SPTA1: variants seen among roughly 807,000 people sequenced by gnomAD.
The protein encoded by SPTA1 is spectrin alpha chain, erythrocytic 1.
A neutral mutation model predicts 324.7 loss-of-function variants in SPTA1; 177 were observed. The observed-to-expected ratio is 0.55, with a 90% CI of 0.48 to 0.62. The LOEUF is 0.62. SPTA1 is among the 20% of genes least tolerant of loss of function. The pLI is 0.00. For missense variants in SPTA1, 3,162 were observed against 2,883.6 expected (o/e 1.10, Z -2.21); for synonymous variants, 1,195 against 1,041.3 (o/e 1.15, Z -2.84).
chr1:158,613,826 T>C lies in SPTA1; in HGVS notation c.6884A>G (p.Glu2295Gly), dbSNP rs536304835. 6.2e-7 allele frequency: 1 copy of C among 1,613,918 alleles called. No homozygotes were observed. The highest frequency in any genetic ancestry group is 8.5e-7 in the Non-Finnish European group (1 of 1,179,928). ...GAGTCCTCTCAGGCAGGACCGGAAC[T>C]CTTTGTGAGTCAGGCGCCCTGTCAA... ...ENLTGRLTHK[E>G]FRSCLRGLNY... Residue 2295 changes from glutamate (E) to glycine (G), a missense_variant, in exon 50 of 52, where the codon GAG (glutamate) becomes GGG (glycine). Coordinates refer to ENST00000643759, the MANE Select transcript of SPTA1 (RefSeq NM_003126.4).
chr1:158,620,778 C>A, intron 43 of SPTA1: 11 of 189,328 alleles, frequency 5.8e-5, no homozygotes, highest in East Asian at 2.7e-4. Context: ...AGGTAGTTTT[C>A]AATTATATGA....
intron 7 of SPTA1, 53 bp from the exon 8 acceptor site, chr1:158,676,348 T>C: frequency 5.6e-6 from 9 of 1,600,172 alleles, no homozygotes; most frequent in Non-Finnish European, 7.7e-6. Flanking sequence ...TGACTCCCCC[T>C]GGCAAAGCTT....
At chr1:158,667,076 G>A (rs1053134645) in intron 15 of SPTA1, among the ~76,000 whole-genome samples, 1 of 152,068 alleles carries the variant, frequency 6.6e-6, no homozygotes, top group African/African-American at 2.4e-5. Context: ...AGGAATTGCT[G>A]TGTCTCCTGA....
intron 25 of SPTA1, among the ~76,000 whole-genome samples, chr1:158,649,642 C>T (rs1206653006): frequency 6.6e-6 from 1 of 152,190 alleles, no homozygotes; most frequent in South Asian, 2.1e-4. Flanking sequence ...TGTTCCAAGG[C>T]CCAAGCCTAG....
chr1:158,631,439 C>G (rs1204021663), intron 39 of SPTA1, among the ~76,000 whole-genome samples: 5 of 151,916 alleles, frequency 3.3e-5, no homozygotes, highest in Non-Finnish European at 7.4e-5. Flanking sequence ...ATACAATGGA[C>G]TTAGAGGACT....
At chr1:158,615,654 AC>A (rs1460294784) in intron 47 of SPTA1, among the ~76,000 whole-genome samples, 1 of 151,980 alleles carries the variant, frequency 6.6e-6, no homozygotes, top group Non-Finnish European at 1.5e-5. Flanking sequence ...GTAGTTATAC[AC>A]ACACACACAT....
Position 158,645,520 on chromosome 1 carries a change from A to T in SPTA1, c.3971T>A (p.Ile1324Lys). The change falls in exon 28 of 52, where the codon ATA becomes AAA. Residue 1324 changes from isoleucine (I) to lysine (K), a missense_variant. Physicochemically the swap from Ile to Lys is moderately radical, Grantham distance 102. Coordinates refer to ENST00000643759, the MANE Select transcript of SPTA1 (RefSeq NM_003126.4). ...SQELAEDLTG[I>K]EILLERHQEH... ...CTGATGTCTCTCCAGCAAGATCTCT[A>T]TGCCAGTTAAGTCTTCGGCCAGCTC... 1.2e-6 allele frequency: 2 copies of T among 1,614,006 alleles called. No individual in the cohort carries two copies. Among genetic ancestry groups the T allele is most frequent in the Non-Finnish European group, 1.7e-6 (2 of 1,179,948 alleles).
chr1:158,680,128 C>T (rs1184690089), intron 5 of SPTA1, among the ~76,000 whole-genome samples: 2 of 152,158 alleles, frequency 1.3e-5, no homozygotes, highest in African/African-American at 4.8e-5. Context: ...CCTTTCCTTC[C>T]TCAATCCTCC....
intron 42 of SPTA1, among the ~76,000 whole-genome samples, chr1:158,625,626 C>T (rs982321610): frequency 8.9e-4 from 134 of 150,968 alleles, no homozygotes; most frequent in African/African-American, 3.1e-3. Context: ...TAATACACTA[C>T]CAAATAATAA....
intron 27 of SPTA1, 132 bp from the exon 28 acceptor site, chr1:158,645,726 C>G (rs1009993511): frequency 1.1e-6 from 1 of 935,840 alleles, no homozygotes; most frequent in African/African-American, 1.6e-5. Flanking sequence ...ATATGCTTTA[C>G]AGATCTTACG....
In SPTA1 at chr1:158,682,424, T is replaced by C. The variant is rs1190905707; in HGVS notation, c.391-757A>G. Among the ~76,000 whole-genome samples the C allele has an allele frequency of 3.9e-5, 6 of 152,182 alleles. No homozygotes were observed. The East Asian group carries it at 7.7e-4, about 20-fold the overall frequency. ...TCTCAAATATTGTAATTAATGTAGA[T>C]GCTGGTTACATGCAAAACTGTGCAT... On this transcript the variant is annotated intron_variant, in intron 3 of 51. Transcript: ENST00000643759.
In SPTA1 at chr1:158,686,223, GA is replaced by G. The variant is rs763958272; in HGVS notation, c.24+270del. On this transcript the variant is annotated intron_variant, in intron 1 of 51. Coordinates refer to ENST00000643759, the MANE Select transcript of SPTA1 (RefSeq NM_003126.4). The stretch of plus-strand genomic sequence containing the variant: ...GGCTATAGAATTAGATCATTACATG[GA>G]GACTCACGTTGTTACTAGGTGTTAT... 5.3e-5 allele frequency among the ~76,000 whole-genome samples: 8 copies of G among 152,316 alleles called. No homozygotes were observed. The South Asian group carries it at 1.5e-3, about 28-fold the overall frequency.
chr1:158,613,584 C>T, intron 50 of SPTA1, 137 bp downstream of exon 50: 1 of 1,248,896 alleles, frequency 8.0e-7, no homozygotes, highest in Non-Finnish European at 1.1e-6. Context: ...CAAGAGCTGC[C>T]TAATTCATTT....
chr1:158,681,783 T>G, intron 3 of SPTA1, 116 bp from the exon 4 acceptor site: 1 of 1,307,930 alleles, frequency 7.6e-7, no homozygotes, highest in Non-Finnish European at 1.1e-6. Context: ...ACTCATGCAT[T>G]AGTTGCTCAA....
intron 18 of SPTA1, 91 bp downstream of exon 18, chr1:158,661,196 A>C: frequency 6.3e-7 from 1 of 1,593,632 alleles, no homozygotes; most frequent in Non-Finnish European, 8.6e-7. Context: ...AGATATTTTT[A>C]AATTCCCTTG....
rs1455415332 is a variant in SPTA1 at position 158,672,175 on chromosome 1, A to G, written c.1372T>C (p.Trp458Arg). The G allele has an allele frequency of 1.2e-6, 2 of 1,614,030 alleles. No individual in the cohort carries two copies. Among genetic ancestry groups the G allele is most frequent in the Non-Finnish European group, 1.7e-6 (2 of 1,179,960 alleles). The change falls in exon 11 of 52, where the codon TGG becomes CGG. Residue 458 changes from tryptophan to arginine, a missense_variant. Trp to Arg is a moderately radical substitution (Grantham distance 101). Coordinates refer to ENST00000643759, the MANE Select transcript of SPTA1 (RefSeq NM_003126.4). ...TCCCACAGTTCCAGCAGGGCAGTCC[A>G]GTTGTTGTCAAGTATTTCCATCTTT... ...REKMEILDNNWTALLELWDER... is the reference protein window; with the variant it reads ...REKMEILDNNRTALLELWDER...
rs2564859 is a variant in SPTA1 at position 158,685,372 on chromosome 1, C to A, written c.25-25G>T. On this transcript the variant is annotated intron_variant, in intron 1 of 51. Coordinates refer to ENST00000643759, the MANE Select transcript of SPTA1 (RefSeq NM_003126.4). Reference sequence around the variant, plus strand: ...CCTGCAAGTTAAAAAGATTCTGTTACTTGCTAGTTCTCAAATATTTAACAT... The same window carrying A: ...CCTGCAAGTTAAAAAGATTCTGTTAATTGCTAGTTCTCAAATATTTAACAT... 1 allele frequency: 1,603,025 copies of A among 1,610,932 alleles called. 797,876 individuals are homozygous for A. Among genetic ancestry groups the A allele is most frequent in the East Asian group, 1 (44,868 of 44,868 alleles).
chr1:158,611,423 AG>A, intron 51 of SPTA1, 34 bp from the exon 52 acceptor site: 1 of 1,612,118 alleles, frequency 6.2e-7, no homozygotes, highest in Non-Finnish European at 8.5e-7. Flanking sequence ...ATACAGTTAT[AG>A]GGATTCAAAA....
intron 51 of SPTA1, 142 bp from the exon 52 acceptor site, chr1:158,611,531 T>A: frequency 1.2e-6 from 1 of 847,484 alleles, no homozygotes. Context: ...ACACAATTTT[T>A]ATCTCATAAA....
Sources: allele counts gnomAD v4.1 joint callset (sites outside exome capture counted in the v4.1 genomes callset), GRCh38; gene constraint gnomAD v4.1.1; transcripts MANE v1.5; gene names NCBI Gene and HGNC (gene_info 2026-07-23, HGNC 2026-07-21).